The following GRIK1 variants were observed in gnomAD, a reference collection of about 807,000 sequenced individuals.
The protein encoded by GRIK1 is glutamate ionotropic receptor kainate type subunit 1.
Under a neutral mutation model 105.7 loss-of-function variants are expected in GRIK1, and 69 were observed. The observed-to-expected ratio is 0.65, with a 90% CI of 0.54 to 0.80. The LOEUF (loss-of-function observed/expected upper bound fraction) is 0.80, where lower values mean the gene tolerates loss of function less well. Ranked by LOEUF, GRIK1 falls within the 30% of genes least tolerant of loss-of-function variation. The pLI, the probability that GRIK1 is intolerant of heterozygous loss-of-function variation, is 0.00. For missense variants in GRIK1, 1,109 were observed against 1,167.3 expected (o/e 0.95, Z 0.73); for synonymous variants, 438 against 431.3 (o/e 1.02, Z -0.19).
intron 1 of GRIK1, among the ~76,000 whole-genome samples, chr21:29,889,814 T>C (rs1205278121): frequency 6.6e-6 from 1 of 152,096 alleles, no homozygotes; most frequent in South Asian, 2.1e-4. Flanking sequence ...TCCTGTATTT[T>C]AAGTAACTTT....
chr21:29,553,542 T>C, intron 16 of GRIK1: 1 of 1,536,860 alleles, frequency 6.5e-7, no homozygotes, highest in Non-Finnish European at 8.7e-7. Context: ...CTTTTTTTTT[T>C]TTTTTAAACT....
At chr21:29,883,181 G>A (rs115045178) in intron 1 of GRIK1, among the ~76,000 whole-genome samples, 645 of 152,142 alleles carry the variant, frequency 4.2e-3, no homozygotes, top group African/African-American at 0.013. Flanking sequence ...TTCAGATATC[G>A]GGAAGTAGGA....
chr21:29,655,427 T>G (rs1477335606), intron 4 of GRIK1, among the ~76,000 whole-genome samples: 1 of 152,022 alleles, frequency 6.6e-6, no homozygotes, highest in Admixed American at 6.6e-5. Flanking sequence ...AAAAATAGTT[T>G]GTACTAAACA....
At chr21:29,819,514 G>C (rs2067241875) in intron 1 of GRIK1, among the ~76,000 whole-genome samples, 1 of 151,974 alleles carries the variant, frequency 6.6e-6, no homozygotes, top group Non-Finnish European at 1.5e-5. Context: ...AGAGACTTTA[G>C]ATTTTCTTCT....
intron 7 of GRIK1, among the ~76,000 whole-genome samples, chr21:29,604,803 T>C (rs2061581154): frequency 6.6e-6 from 1 of 152,156 alleles, no homozygotes; most frequent in Non-Finnish European, 1.5e-5. Flanking sequence ...CTCATTCCTC[T>C]TATTGGACAC....
chr21:29,684,716 T>C (rs1045784001), intron 3 of GRIK1, among the ~76,000 whole-genome samples: 2 of 152,158 alleles, frequency 1.3e-5, no homozygotes, highest in African/African-American at 4.8e-5. Flanking sequence ...TTCACCGTGT[T>C]AGCCAGGATG....
chr21:29,633,913 G>A (rs927051702), intron 7 of GRIK1, among the ~76,000 whole-genome samples: 4 of 152,188 alleles, frequency 2.6e-5, no homozygotes, highest in Admixed American at 6.5e-5. Context: ...TGAGGTTGCT[G>A]CCAGACCCAA....
chr21:29,560,400 C>CCTTCCTTCCTTTCTTT lies in GRIK1; in HGVS notation c.2356+1223_2356+1224insAAAGAAAGGAAGGAAG, dbSNP rs1491373479. ...TCCTTCCTTCCTTCCTTCCTTCCTT[C>CCTTCCTTCCTTTCTTT]CTTTCTTTCTTTCTTTCTTTCTTTC... On this transcript the variant is annotated intron_variant, in intron 15 of 17. Transcript: ENST00000327783. Among the ~76,000 whole-genome samples the CCTTCCTTCCTTTCTTT allele has an allele frequency of 2.3e-3, 155 of 67,080 alleles. 19 individuals carry two copies. Among genetic ancestry groups the CCTTCCTTCCTTTCTTT allele is most frequent in the African/African-American group, 6.2e-3 (67 of 10,768 alleles). The allele number at this position is 67,080 out of a possible 152,430, so 44.0% of individuals were successfully genotyped here.
intron 7 of GRIK1, among the ~76,000 whole-genome samples, chr21:29,604,834 C>T (rs2146344096): frequency 6.6e-6 from 1 of 152,112 alleles, no homozygotes; most frequent in South Asian, 2.1e-4. Flanking sequence ...AATCAAGAGA[C>T]AGGAATCAAG....
chr21:29,832,421 G>A (rs951587095), intron 1 of GRIK1, among the ~76,000 whole-genome samples: 1 of 152,150 alleles, frequency 6.6e-6, no homozygotes, highest in African/African-American at 2.4e-5. Context: ...CTCCATGAGG[G>A]CTCCGTCACT....
intron 3 of GRIK1, among the ~76,000 whole-genome samples, chr21:29,682,362 T>C (rs1392334570): frequency 2.0e-5 from 3 of 152,232 alleles, no homozygotes; most frequent in African/African-American, 7.2e-5. Flanking sequence ...CACATATTTA[T>C]AATGAAGTAA....
At position 29,654,841 on chromosome 21, in the gene GRIK1, G is replaced by C; in HGVS notation, c.749C>G (p.Thr250Ser). 6.3e-7 allele frequency: 1 copy of C among 1,587,534 alleles called. No individual in the cohort carries two copies. The highest frequency in any genetic ancestry group is 8.7e-7 in the Non-Finnish European group (1 of 1,155,698). ...TGTGAAAAAGTAGTGATAGTACTCG[G>C]TCATCATGCCCATGAACAGAATCTG... Reference protein sequence around the residue: ...LKQILFMGMMTEYYHYFFTTL... With the variant: ...LKQILFMGMMSEYYHYFFTTL... Residue 250 changes from threonine to serine, a missense_variant, in exon 5 of 18, where the codon ACC (threonine) becomes AGC (serine). Coordinates refer to ENST00000327783, the MANE Select transcript of GRIK1 (RefSeq NM_001330994.2).
chr21:29,573,125 G>A (rs889707216), intron 14 of GRIK1, among the ~76,000 whole-genome samples: 1 of 152,102 alleles, frequency 6.6e-6, no homozygotes, highest in Non-Finnish European at 1.5e-5. Context: ...AAGGGCTAGT[G>A]CACAGGGCGT....
chr21:29,803,379 T>C (rs2066767054), intron 1 of GRIK1, among the ~76,000 whole-genome samples: 1 of 152,208 alleles, frequency 6.6e-6, no homozygotes, highest in African/African-American at 2.4e-5. Context: ...AGCAATTATA[T>C]GCACCACATA....
At chr21:29,903,024 A>G (rs2070467228) in intron 1 of GRIK1, among the ~76,000 whole-genome samples, 1 of 143,706 alleles carries the variant, frequency 7.0e-6, no homozygotes, top group African/African-American at 2.7e-5. Flanking sequence ...ACATACAAGC[A>G]ATGGGGAAAA....
At chr21:29,750,508 T>C (rs979147951) in intron 1 of GRIK1, among the ~76,000 whole-genome samples, 13 of 152,034 alleles carry the variant, frequency 8.6e-5, no homozygotes, top group African/African-American at 2.9e-4. Flanking sequence ...ACGCTGACAT[T>C]TGGGGACCTA....
intron 1 of GRIK1, among the ~76,000 whole-genome samples, chr21:29,819,454 G>T (rs1380221956): frequency 6.6e-6 from 1 of 151,900 alleles, no homozygotes; most frequent in Non-Finnish European, 1.5e-5. Flanking sequence ...TACCAGCATG[G>T]TTTCTATGTT....
At chr21:29,693,723 CGTCCAT>C (rs2063630907) in intron 2 of GRIK1, among the ~76,000 whole-genome samples, 167 bp downstream of exon 2, 1 of 152,070 alleles carries the variant, frequency 6.6e-6, no homozygotes, top group Non-Finnish European at 1.5e-5. Context: ...TGCTCAGCAA[CGTCCAT>C]TAGGTTAGTT....
Position 29,816,121 on chromosome 21 carries a change from A to C in GRIK1, c.119-122058T>G, listed in dbSNP as rs567416736. ...AAAAAAGCCCAAAATAATCCCATTAAAATGTGGGCAAAGGATACGAATAGA... is the reference window on the plus strand; with the variant it reads ...AAAAAAGCCCAAAATAATCCCATTACAATGTGGGCAAAGGATACGAATAGA... On this transcript the variant is annotated intron_variant, in intron 1 of 17. Coordinates refer to ENST00000327783, the MANE Select transcript of GRIK1 (RefSeq NM_001330994.2). Among the ~76,000 whole-genome samples, 8 of 152,268 alleles carry C rather than the reference A, an allele frequency of 5.3e-5. No individual in the cohort carries two copies. The South Asian group carries it at 1.7e-3, about 32-fold the overall frequency.
Sources: allele counts gnomAD v4.1 joint callset (sites outside exome capture counted in the v4.1 genomes callset), GRCh38; gene constraint gnomAD v4.1.1; transcripts MANE v1.5; gene names NCBI Gene and HGNC (gene_info 2026-07-23, HGNC 2026-07-21).